The following CAP2 variants were observed in gnomAD, a reference collection of about 807,000 sequenced individuals.
CAP2 encodes cyclase associated actin cytoskeleton regulatory protein 2, also known as adenylyl cyclase-associated protein 2.
In CAP2, 24 loss-of-function variants were observed where a neutral mutation model predicts 57.7. The observed-to-expected ratio is 0.42, with a 90% CI of 0.30 to 0.58. The LOEUF (loss-of-function observed/expected upper bound fraction) is 0.58. Ranked by LOEUF, CAP2 falls within the 20% of genes least tolerant of loss-of-function variation. The pLI, the probability that CAP2 is intolerant of heterozygous loss-of-function variation, is 0.22. For synonymous variants in CAP2, 194 were observed against 207.2 expected, an observed-to-expected ratio of 0.94 and a Z score of 0.55; for missense variants, 501 against 590.3, an observed-to-expected ratio of 0.85 and a Z score of 1.57.
rs1763347981 is a variant in CAP2, at chr6:17,557,748, T to C, written c.*1306T>C. ...TAATCATTTTTCAACTGTAAACTTA[T>C]TCTGAAATAAAGTAAAATTCTAATT... is the stretch of plus-strand genomic sequence containing the variant. On this transcript the variant is annotated 3_prime_UTR_variant, in exon 13 of 13. Transcript: ENST00000229922. 1 of 152,240 alleles carries C rather than the reference T, an allele frequency of 6.6e-6. No homozygotes were observed. The allele number at this position is 152,240 out of a possible 1,614,324, so 9.4% of individuals were successfully genotyped here.
intron 4 of CAP2, among the ~76,000 whole-genome samples, chr6:17,477,292 C>A (rs1158427728): frequency 1.3e-5 from 2 of 152,174 alleles, no homozygotes; most frequent in African/African-American, 4.8e-5. Context: ...TGCAGGGCTG[C>A]CTGCGCTGTT....
intron 9 of CAP2, among the ~76,000 whole-genome samples, chr6:17,542,505 T>C (rs1762929386): frequency 6.6e-6 from 1 of 152,206 alleles, no homozygotes. Flanking sequence ...CAACTCCTGT[T>C]TGACACAGCA....
At chr6:17,439,426 A>G (rs1326348516) in intron 3 of CAP2, among the ~76,000 whole-genome samples, 1 of 151,232 alleles carries the variant, frequency 6.6e-6, no homozygotes, top group Non-Finnish European at 1.5e-5. Flanking sequence ...CTCAGTTCCA[A>G]CTGCTTTAGT....
At chr6:17,487,690 C>G (rs946105385) in intron 4 of CAP2, among the ~76,000 whole-genome samples, 2 of 152,146 alleles carry the variant, frequency 1.3e-5, no homozygotes, top group African/African-American at 4.8e-5. Context: ...AGGCTGGTCT[C>G]GAACTTCTGG....
chr6:17,417,274 ATTT>A (rs34818674), intron 1 of CAP2, among the ~76,000 whole-genome samples: 1 of 137,228 alleles, frequency 7.3e-6, no homozygotes. Flanking sequence ...TTTAAAACTG[ATTT>A]TTTTTTTTTT....
At chr6:17,421,390 A>T (rs757609132) in intron 1 of CAP2, among the ~76,000 whole-genome samples, 165 bp from the exon 2 acceptor site, 2 of 152,220 alleles carry the variant, frequency 1.3e-5, no homozygotes, top group African/African-American at 4.8e-5. Context: ...AACTACTGAG[A>T]TTAAAAAGCA....
intron 2 of CAP2, among the ~76,000 whole-genome samples, chr6:17,425,792 GT>G (rs1236263290): frequency 6.6e-6 from 1 of 152,166 alleles, no homozygotes; most frequent in Non-Finnish European, 1.5e-5. Context: ...GTTGAGAAAT[GT>G]TTAATAAACA....
At chr6:17,491,511 C>T (rs3798280) in intron 4 of CAP2, among the ~76,000 whole-genome samples, 11,182 of 152,234 alleles carry the variant, frequency 0.073, 558 homozygotes, top group African/African-American at 0.13. Context: ...GTGTGTCAGA[C>T]ATGATGCACA....
chr6:17,555,778 G>C (rs993736059), intron 12 of CAP2, among the ~76,000 whole-genome samples: 21 of 151,812 alleles, frequency 1.4e-4, no homozygotes, highest in African/African-American at 5.1e-4. Context: ...TGTTGGCCAG[G>C]CTGGTCTCGA....
At chr6:17,499,512 A>T (rs186638491) in intron 4 of CAP2, among the ~76,000 whole-genome samples, 3 of 152,144 alleles carry the variant, frequency 2.0e-5, no homozygotes, top group East Asian at 3.9e-4. Context: ...TGAAAGACCA[A>T]GTCACCAGGT....
intron 3 of CAP2, among the ~76,000 whole-genome samples, chr6:17,427,939 C>T (rs943499352): frequency 5.3e-5 from 8 of 152,116 alleles, no homozygotes; most frequent in African/African-American, 1.7e-4. Flanking sequence ...GTGCCTAGGG[C>T]GGTCAAATTT....
chr6:17,542,978 C>G lies in CAP2; in HGVS notation c.1126+18C>G. 6.2e-7 allele frequency: 1 copy of G among 1,612,956 alleles called. No homozygotes were observed. The highest frequency in any genetic ancestry group is 8.5e-7 in the Non-Finnish European group (1 of 1,179,086). On this transcript the variant is annotated intron_variant, in intron 10 of 12. Transcript: ENST00000229922. ...TATAATTGGTAGGGCAGAATTATGG[C>G]TCTATGGTTATTATGATGTTTTATA...
intron 3 of CAP2, among the ~76,000 whole-genome samples, chr6:17,438,186 T>A (rs1759954141): frequency 6.7e-6 from 1 of 150,374 alleles, no homozygotes; most frequent in Non-Finnish European, 1.5e-5. Flanking sequence ...GCCAACATGG[T>A]GAAACCCCGT....
rs539097105 is a variant in CAP2 at position 17,526,263 on chromosome 6, A to G, written c.636+12309A>G. On this transcript the variant is annotated intron_variant, in intron 7 of 12. Transcript: ENST00000229922. ...CTCAAGAGCGGCTGGGATTACAGGC[A>G]CGCACCACCATACCTGACTAATTTT... 6.3e-3 allele frequency among the ~76,000 whole-genome samples: 957 copies of G among 152,024 alleles called. 13 individuals carry two copies. Among genetic ancestry groups the G allele is most frequent in the African/African-American group, 0.022 (897 of 41,472 alleles).
chr6:17,439,344 C>T (rs946215109), intron 3 of CAP2, among the ~76,000 whole-genome samples: 6 of 150,326 alleles, frequency 4.0e-5, no homozygotes, highest in African/African-American at 1.5e-4. Context: ...CTGCCTTTAT[C>T]ACATGCTAAA....
At chr6:17,490,350 C>A (rs1357767407) in intron 4 of CAP2, among the ~76,000 whole-genome samples, 2 of 152,190 alleles carry the variant, frequency 1.3e-5, no homozygotes, top group African/African-American at 4.8e-5. Context: ...GCAGTTGCAA[C>A]TTTGAGACTA....
At chr6:17,507,060 C>G in intron 4 of CAP2, 109 bp from the exon 5 acceptor site, 1 of 1,024,714 alleles carries the variant, frequency 9.8e-7, no homozygotes, top group Non-Finnish European at 1.5e-6. Context: ...CTTTTAGACC[C>G]CTTAACAGAC....
At chr6:17,442,357 A>G (rs1254685032) in intron 3 of CAP2, among the ~76,000 whole-genome samples, 1 of 152,190 alleles carries the variant, frequency 6.6e-6, no homozygotes, top group Non-Finnish European at 1.5e-5. Flanking sequence ...CCTGTGGAGC[A>G]CCTGCCCTGA....
Position 17,557,171 on chromosome 6 carries a change from A to AT in CAP2, c.*737dup, listed in dbSNP as rs10718862. The AT allele has an allele frequency of 7.2e-5, 11 of 151,908 alleles. No individual in the cohort carries two copies. Among genetic ancestry groups the AT allele is most frequent in the African/African-American group, 1.2e-4 (5 of 41,356 alleles). The allele number at this position is 151,908 out of a possible 1,614,324, so 9.4% of individuals were successfully genotyped here. A position where few individuals can be genotyped will look rare whatever the true frequency, so the allele number is the denominator to read the frequency against. ...CCAAAAACATTAAACAGAAGAAATC[A>AT]TTTTTTTTGCTATGTAATACCTCGC... On this transcript the variant is annotated 3_prime_UTR_variant, in exon 13 of 13. Transcript: ENST00000229922.
Sources: allele counts gnomAD v4.1 joint callset (sites outside exome capture counted in the v4.1 genomes callset), GRCh38; gene constraint gnomAD v4.1.1; transcripts MANE v1.5; gene names NCBI Gene and HGNC (gene_info 2026-07-23, HGNC 2026-07-21).